Variants in GDF7 observed in about 807,000 individuals in gnomAD.
The protein encoded by GDF7 is growth/differentiation factor 7.
Under a neutral mutation model 13.4 loss-of-function variants are expected in GDF7, and 12 were observed. That is an observed-to-expected ratio of 0.90 (90% CI 0.57 to 1.45). The LOEUF (loss-of-function observed/expected upper bound fraction) is 1.45. Among genes scored for constraint, GDF7 ranks in the 40% most tolerant of loss-of-function variants. The probability of loss-of-function intolerance (pLI) is 0.00; values close to 1 mark genes in which losing one functional copy is unlikely to be tolerated. For missense variants in GDF7, 651 were observed against 652.4 expected, an observed-to-expected ratio of 1.00 and a Z score of 0.02; for synonymous variants, 330 against 306.4, an observed-to-expected ratio of 1.08 and a Z score of -0.80.
At position 20,667,284 on chromosome 2, in the gene GDF7, C is replaced by T; in HGVS notation, c.45C>T (p.Ser15=). Reference sequence around the variant, plus strand: ...CCGCGCTGTGCCTTTGGCTGCTGAGCGCCTGCCGCCCCCGCGACGGGCTGG... The same window carrying T: ...CCGCGCTGTGCCTTTGGCTGCTGAGTGCCTGCCGCCCCCGCGACGGGCTGG... The part of the protein sequence containing the change: ...AAAALCLWLL[S]ACRPRDGLEA... Residue 15 remains serine (S), a synonymous_variant, in exon 1 of 2, where the codon AGC becomes AGT. Coordinates refer to ENST00000272224, the MANE Select transcript of GDF7 (RefSeq NM_182828.4). The surrounding 1 kb of genome is among the most constrained non-coding windows in gnomAD (Gnocchi z 6.4). 1 of 1,219,878 alleles carries T rather than the reference C, an allele frequency of 8.2e-7. No individual in the cohort carries two copies. Among genetic ancestry groups the T allele is most frequent in the African/African-American group, 1.6e-5 (1 of 62,084 alleles). 75.6% of individuals were successfully genotyped at this position (1,219,878 alleles called of 1,614,324 possible). A position where few individuals can be genotyped will look rare whatever the true frequency, so the allele number is the denominator to read the frequency against.
At chr2:20,668,751 G>A (rs562727696) in intron 1 of GDF7, among the ~76,000 whole-genome samples, 1 of 152,304 alleles carries the variant, frequency 6.6e-6, no homozygotes, top group East Asian at 1.9e-4. Context: ...AGCACAGACT[G>A]CCTTATTTTT....
Position 20,671,339 on chromosome 2 carries a change from A to G in GDF7, c.1267A>G (p.Ile423Val), listed in dbSNP as rs1460688203. 1 of 1,613,480 alleles carries G rather than the reference A, an allele frequency of 6.2e-7. No homozygotes were observed. Among genetic ancestry groups the G allele is most frequent in the Admixed American group, 1.7e-5 (1 of 60,000 alleles). The change falls in exon 2 of 2, where the codon ATC becomes GTC. Residue 423 changes from isoleucine (I) to valine (V), a missense_variant. Physicochemically the swap from Ile to Val is conservative, Grantham distance 29. Transcript: ENST00000272224. ...SCCVPARLSP[I>V]SILYIDAANN... ...CTGTGTGCCAGCGCGCCTCAGCCCCATCAGCATCCTCTACATCGACGCCGC... is the reference window on the plus strand; with the variant it reads ...CTGTGTGCCAGCGCGCCTCAGCCCCGTCAGCATCCTCTACATCGACGCCGC...
intron 1 of GDF7, among the ~76,000 whole-genome samples, chr2:20,669,248 C>T (rs1167993673): frequency 2.0e-5 from 3 of 152,062 alleles, no homozygotes; most frequent in African/African-American, 7.2e-5. Flanking sequence ...TCCCCAGAAG[C>T]CATTGATAGG....
Position 20,678,680 on chromosome 2 carries a change from C to CAA in GDF7, c.*7257_*7258dup, listed in dbSNP as rs1306231693. On this transcript the variant is annotated 3_prime_UTR_variant, in exon 2 of 2. Coordinates refer to ENST00000272224, the MANE Select transcript of GDF7 (RefSeq NM_182828.4). ...GTGATTTTAAGGAAACGGTAAAACT[C>CAA]AAAGTGCCAGTAATGCCATCAAGGC... 6.6e-6 allele frequency: 1 copy of CAA among 152,212 alleles called. No individual in the cohort carries two copies. 9.4% of individuals were successfully genotyped at this position (152,212 alleles called of 1,614,324 possible). A position where few individuals can be genotyped will look rare whatever the true frequency, so the allele number is the denominator to read the frequency against.
intron 1 of GDF7, among the ~76,000 whole-genome samples, chr2:20,668,862 G>C (rs547030908): frequency 3.3e-5 from 5 of 152,326 alleles, no homozygotes; most frequent in African/African-American, 4.8e-5. Flanking sequence ...TGGGCTGGAT[G>C]CTGGGATACT....
chr2:20,672,055 T>A lies in GDF7; in HGVS notation c.*630T>A, dbSNP rs1472786615. On this transcript the variant is annotated 3_prime_UTR_variant, in exon 2 of 2. Transcript: ENST00000272224. ...TCATTTTTGAAAGGGAAGTTTTGTC[T>A]GAAAGTAGCTGTTGTGGAGCTTCCC... 2.0e-5 allele frequency: 3 copies of A among 151,838 alleles called. No individual in the cohort carries two copies. The highest frequency in any genetic ancestry group is 4.4e-5 in the Non-Finnish European group (3 of 68,012). 9.4% of individuals were successfully genotyped at this position (151,838 alleles called of 1,614,324 possible). A position where few individuals can be genotyped will look rare whatever the true frequency, so the allele number is the denominator to read the frequency against.
At position 20,670,592 on chromosome 2, in the gene GDF7, T is replaced by A; in HGVS notation, c.520T>A (p.Trp174Arg). 1 of 1,599,780 alleles carries A rather than the reference T, an allele frequency of 6.3e-7. No homozygotes were observed. The highest frequency in any genetic ancestry group is 8.5e-7 in the Non-Finnish European group (1 of 1,174,930). The part of the protein sequence containing the change: ...RGSPESGPGS[W>R]TSPPLLLLST... Reference sequence around the variant, plus strand: ...ATCTCCAGAGTCGGGCCCAGGCAGCTGGACTTCTCCGCCGTTGCTGCTGCT... The same window carrying A: ...ATCTCCAGAGTCGGGCCCAGGCAGCAGGACTTCTCCGCCGTTGCTGCTGCT... The change falls in exon 2 of 2, where the codon TGG (tryptophan) becomes AGG (arginine). Residue 174 changes from tryptophan to arginine, a missense_variant. Trp to Arg is a moderately radical substitution (Grantham distance 101). Transcript: ENST00000272224.
rs1228002691 is a variant in GDF7, at chr2:20,667,883, C to T, written c.391+253C>T. 6.6e-6 allele frequency among the ~76,000 whole-genome samples: 1 copy of T among 152,212 alleles called. No homozygotes were observed. Among genetic ancestry groups the T allele is most frequent in the African/African-American group, 2.4e-5 (1 of 41,464 alleles). On this transcript the variant is annotated intron_variant, in intron 1 of 1. Coordinates refer to ENST00000272224, the MANE Select transcript of GDF7 (RefSeq NM_182828.4). The surrounding 1 kb of genome is among the most constrained non-coding windows in gnomAD (Gnocchi z 6.4). Reference sequence around the variant, plus strand: ...CCTCTCCCAGGTCTCCCTGGCCTTGCAGGCCGGCTGGTCCCCTCGAGGAGG... The same window carrying T: ...CCTCTCCCAGGTCTCCCTGGCCTTGTAGGCCGGCTGGTCCCCTCGAGGAGG...
chr2:20,667,622 C>G lies in GDF7; in HGVS notation c.383C>G (p.Ala128Gly). Reference protein sequence around the residue: ...ADTITGFTDQATQDESAAETG... With the variant: ...ADTITGFTDQGTQDESAAETG... ...ACGATCACCGGCTTCACAGACCAGG[C>G]GACCCAAGGTACTTACGCCTCTTCT... The change falls in exon 1 of 2, where the codon GCG becomes GGG. Residue 128 changes from alanine to glycine, a missense_variant. This residue lies in a region of GDF7 where 487 missense variants were observed against 445.9 expected (regional missense o/e 1.09). Transcript: ENST00000272224. The surrounding 1 kb of genome is among the most constrained non-coding windows in gnomAD (Gnocchi z 6.4). 6.7e-7 allele frequency: 1 copy of G among 1,499,994 alleles called. No homozygotes were observed. The highest frequency in any genetic ancestry group is 8.8e-7 in the Non-Finnish European group (1 of 1,130,760). The allele number at this position is 1,499,994 out of a possible 1,614,324, so 92.9% of individuals were successfully genotyped here.
chr2:20,671,207 G>A lies in GDF7; in HGVS notation c.1135G>A (p.Glu379Lys). 6.2e-7 allele frequency: 1 copy of A among 1,613,910 alleles called. No individual in the cohort carries two copies. The highest frequency in any genetic ancestry group is 8.5e-7 in the Non-Finnish European group (1 of 1,179,936). The change falls in exon 2 of 2, where the codon GAG (glutamate) becomes AAG (lysine). Residue 379 changes from glutamate to lysine, a missense_variant. Physicochemically the swap from Glu to Lys is moderately conservative, Grantham distance 56. Coordinates refer to ENST00000272224, the MANE Select transcript of GDF7 (RefSeq NM_182828.4). ...GCTGGACTACGAGGCGTACCACTGCGAGGGCCTTTGCGACTTCCCTTTGCG... is the reference window on the plus strand; with the variant it reads ...GCTGGACTACGAGGCGTACCACTGCAAGGGCCTTTGCGACTTCCCTTTGCG... ...APLDYEAYHC[E>K]GLCDFPLRSH...
Position 20,678,500 on chromosome 2 carries a change from A to G in GDF7, c.*7075A>G, listed in dbSNP as rs1159775764. 1 of 152,240 alleles carries G rather than the reference A, an allele frequency of 6.6e-6. No individual in the cohort carries two copies. Among genetic ancestry groups the G allele is most frequent in the Non-Finnish European group, 1.5e-5 (1 of 68,042 alleles). The allele number at this position is 152,240 out of a possible 1,614,324, so 9.4% of individuals were successfully genotyped here. On this transcript the variant is annotated 3_prime_UTR_variant, in exon 2 of 2. Transcript: ENST00000272224. ...TGTCTTTTTCTTTTTGTATACAAAT[A>G]AAGCAGCAGATCCTTTCTCTGTGAA...
rs776762214 is a variant in GDF7, at chr2:20,670,955, C to G, written c.883C>G (p.Leu295Val). Residue 295 changes from leucine to valine, a missense_variant, in exon 2 of 2, where the codon CTG (leucine) becomes GTG (valine). By Grantham distance (32) the Leu-to-Val change is conservative. Transcript: ENST00000272224. ...CCAGGCCCGCGCGCTCGGGGCCGCT[C>G]TGGCCTCAGAGCCGCTGCCCGACCC... ...RAQARALGAA[L>V]ASEPLPDPGT... 10 of 1,566,806 alleles carry G rather than the reference C, an allele frequency of 6.4e-6. No homozygotes were observed. Among genetic ancestry groups the G allele is most frequent in the Non-Finnish European group, 8.6e-6 (10 of 1,164,404 alleles).
chr2:20,669,494 C>T (rs1662071121), intron 1 of GDF7, among the ~76,000 whole-genome samples: 1 of 152,164 alleles, frequency 6.6e-6, no homozygotes, highest in Non-Finnish European at 1.5e-5. Context: ...AACCCCTAAG[C>T]CCGAGATAAG....
At position 20,672,595 on chromosome 2, in the gene GDF7, T is replaced by C. The variant is rs1035586079; in HGVS notation, c.*1170T>C. ...GTGTTGTTGCTGTAGTTGTTGGCAG[T>C]GTGATAGTAACGGGAAGTGAAGCCA... On this transcript the variant is annotated 3_prime_UTR_variant, in exon 2 of 2. Transcript: ENST00000272224. 1 of 152,280 alleles carries C rather than the reference T, an allele frequency of 6.6e-6. No individual in the cohort carries two copies. The highest frequency in any genetic ancestry group is 2.4e-5 in the African/African-American group (1 of 41,460). 9.4% of individuals were successfully genotyped at this position (152,280 alleles called of 1,614,324 possible).
chr2:20,678,666 GAAACGGTA>G lies in GDF7; in HGVS notation c.*7246_*7253del, dbSNP rs1438265041. The G allele has an allele frequency of 2.6e-5, 4 of 152,204 alleles. No individual in the cohort carries two copies. Among genetic ancestry groups the G allele is most frequent in the African/African-American group, 9.7e-5 (4 of 41,450 alleles). 9.4% of individuals were successfully genotyped at this position (152,204 alleles called of 1,614,324 possible). ...CTGATTCCAGTACTGTGATTTTAAG[GAAACGGTA>G]AAACTCAAAGTGCCAGTAATGCCAT... is the stretch of plus-strand genomic sequence containing the variant. On this transcript the variant is annotated 3_prime_UTR_variant, in exon 2 of 2. Coordinates refer to ENST00000272224, the MANE Select transcript of GDF7 (RefSeq NM_182828.4).
In GDF7 at chr2:20,670,501, C is replaced by T. The variant is rs771820511; in HGVS notation, c.429C>T (p.Phe143=). The part of the protein sequence containing the change: ...SAAETGQSFL[F]DVSSLNDADE... ...CCGAAACAGGCCAGAGCTTCCTGTTCGACGTGTCCAGCCTTAACGACGCAG... is the reference window on the plus strand; with the variant it reads ...CCGAAACAGGCCAGAGCTTCCTGTTTGACGTGTCCAGCCTTAACGACGCAG... Residue 143 remains phenylalanine (F), a synonymous_variant, in exon 2 of 2, where the codon TTC becomes TTT. Transcript: ENST00000272224. 14 of 1,575,814 alleles carry T rather than the reference C, an allele frequency of 8.9e-6. No individual in the cohort carries two copies. The highest frequency in any genetic ancestry group is 1.1e-5 in the Non-Finnish European group (13 of 1,162,550).
In GDF7 at chr2:20,674,103, G is replaced by A. The variant is rs772825514; in HGVS notation, c.*2678G>A. On this transcript the variant is annotated 3_prime_UTR_variant, in exon 2 of 2. Transcript: ENST00000272224. The stretch of plus-strand genomic sequence containing the variant: ...GCATTGCCAAGGTGTGGAGAAAAGC[G>A]TTCTGCCAGCACAGTTGGTAGTAGC... 3 of 152,334 alleles carry A rather than the reference G, an allele frequency of 2.0e-5. No homozygotes were observed. Among genetic ancestry groups the A allele is most frequent in the African/African-American group, 4.8e-5 (2 of 41,554 alleles). The allele number at this position is 152,334 out of a possible 1,614,324, so 9.4% of individuals were successfully genotyped here.
In GDF7 at chr2:20,677,794, C is replaced by T. The variant is rs1662257152; in HGVS notation, c.*6369C>T. 6.6e-6 allele frequency: 1 copy of T among 152,286 alleles called. No individual in the cohort carries two copies. Among genetic ancestry groups the T allele is most frequent in the Non-Finnish European group, 1.5e-5 (1 of 68,074 alleles). 9.4% of individuals were successfully genotyped at this position (152,286 alleles called of 1,614,324 possible). A position where few individuals can be genotyped will look rare whatever the true frequency, so the allele number is the denominator to read the frequency against. On this transcript the variant is annotated 3_prime_UTR_variant, in exon 2 of 2. Coordinates refer to ENST00000272224, the MANE Select transcript of GDF7 (RefSeq NM_182828.4). ...GTACTCACAGGTCATCCTGGGGAGA[C>T]CGCTCATGGGCTATGGGCAGCCCAT...
At position 20,673,803 on chromosome 2, in the gene GDF7, G is replaced by A. The variant is rs761305581; in HGVS notation, c.*2378G>A. The A allele has an allele frequency of 6.6e-6, 1 of 152,270 alleles. No individual in the cohort carries two copies. 9.4% of individuals were successfully genotyped at this position (152,270 alleles called of 1,614,324 possible). ...ACCTTCCTGCATCTTGAGTTCAGGT[G>A]GCACCCGGTGGGAGGGGTGTTGTCC... On this transcript the variant is annotated 3_prime_UTR_variant, in exon 2 of 2. Coordinates refer to ENST00000272224, the MANE Select transcript of GDF7 (RefSeq NM_182828.4).
Sources: allele counts gnomAD v4.1 joint callset (sites outside exome capture counted in the v4.1 genomes callset), GRCh38; gene constraint gnomAD v4.1.1; regional missense constraint gnomAD v4.1.1; non-coding constraint Gnocchi (gnomAD v3.1); transcripts MANE v1.5; gene names NCBI Gene and HGNC (gene_info 2026-07-23, HGNC 2026-07-21).